Variants in LRRC3B observed in about 807,000 individuals in gnomAD.
LRRC3B encodes leucine rich repeat containing 3B.
In LRRC3B, 2 loss-of-function variants were observed where a neutral mutation model predicts 12.8. The observed-to-expected ratio is 0.16, with a 90% CI of 0.06 to 0.49. LRRC3B has a LOEUF of 0.49. Ranked by LOEUF, LRRC3B falls within the 20% of genes least tolerant of loss-of-function variation. The pLI is 0.96. For missense variants in LRRC3B, 189 were observed against 319.4 expected, an observed-to-expected ratio of 0.59 and a Z score of 3.11; for synonymous variants, 132 against 122.0, an observed-to-expected ratio of 1.08 and a Z score of -0.54.
chr3:26,685,890 C>G (rs1163622721), intron 1 of LRRC3B, among the ~76,000 whole-genome samples: 1 of 151,962 alleles, frequency 6.6e-6, no homozygotes, highest in East Asian at 1.9e-4. Flanking sequence ...TCCAGTCTCT[C>G]AGTTATGACA....
At chr3:26,636,902 CTT>C (rs1371359592) in intron 1 of LRRC3B, among the ~76,000 whole-genome samples, 1,730 of 92,210 alleles carry the variant, frequency 0.019, 80 homozygotes, top group African/African-American at 0.042. Flanking sequence ...CTCTCTCTCT[CTT>C]TCTCTCTTTC....
intron 1 of LRRC3B, among the ~76,000 whole-genome samples, chr3:26,654,546 G>T (rs1316731102): frequency 6.6e-6 from 1 of 152,182 alleles, no homozygotes; most frequent in Non-Finnish European, 1.5e-5. Context: ...AGAGAAAAGA[G>T]AAATCAGAAA....
intron 1 of LRRC3B, among the ~76,000 whole-genome samples, chr3:26,659,474 C>T (rs1376522886): frequency 6.6e-6 from 1 of 152,106 alleles, no homozygotes; most frequent in African/African-American, 2.4e-5. Flanking sequence ...TAAGATAATA[C>T]ATATGAAAGT....
At chr3:26,640,671 G>A (rs951460754) in intron 1 of LRRC3B, among the ~76,000 whole-genome samples, 1 of 152,174 alleles carries the variant, frequency 6.6e-6, no homozygotes, top group African/African-American at 2.4e-5. Context: ...TCTGATCTCA[G>A]AGAGCTTGCA....
chr3:26,648,544 C>T (rs962374949), intron 1 of LRRC3B, among the ~76,000 whole-genome samples: 1 of 152,092 alleles, frequency 6.6e-6, no homozygotes, highest in African/African-American at 2.4e-5. Context: ...AATGAATACT[C>T]TCCATTTTTC....
At chr3:26,678,582 C>T (rs895283192) in intron 1 of LRRC3B, among the ~76,000 whole-genome samples, 1 of 151,992 alleles carries the variant, frequency 6.6e-6, no homozygotes, top group Non-Finnish European at 1.5e-5. Context: ...GCATCTATAC[C>T]CAAGGTTTGT....
chr3:26,707,420 C>A (rs142018071), intron 1 of LRRC3B, among the ~76,000 whole-genome samples: 1 of 151,928 alleles, frequency 6.6e-6, no homozygotes, highest in Non-Finnish European at 1.5e-5. Flanking sequence ...ACTCAGTGTA[C>A]TTTTTATTTT....
chr3:26,686,558 C>T (rs1448467291), intron 1 of LRRC3B, among the ~76,000 whole-genome samples: 1 of 152,096 alleles, frequency 6.6e-6, no homozygotes, highest in African/African-American at 2.4e-5. Context: ...TGTTACATAA[C>T]TTCTTGGAGT....
At position 26,703,869 on chromosome 3, in the gene LRRC3B, C is replaced by A. The variant is rs190319538; in HGVS notation, c.-160-5644C>A. 7.9e-5 allele frequency among the ~76,000 whole-genome samples: 12 copies of A among 152,018 alleles called. No individual in the cohort carries two copies. In the East Asian group the frequency reaches 2.3e-3, roughly 29 times the overall value. Reference sequence around the variant, plus strand: ...CACCATTGTTCAACTCTTTCATGCACTGAATAGTTGCTTTCTGAGGCATTA... The same window carrying A: ...CACCATTGTTCAACTCTTTCATGCAATGAATAGTTGCTTTCTGAGGCATTA... On this transcript the variant is annotated intron_variant, in intron 1 of 1. Transcript: ENST00000396641.
At chr3:26,658,995 A>G (rs1699436153) in intron 1 of LRRC3B, among the ~76,000 whole-genome samples, 1 of 152,216 alleles carries the variant, frequency 6.6e-6, no homozygotes, top group South Asian at 2.1e-4. Context: ...GATTTTGCAC[A>G]ATGCATTGGG....
chr3:26,629,149 A>C (rs1479062004), intron 1 of LRRC3B, among the ~76,000 whole-genome samples: 4 of 152,100 alleles, frequency 2.6e-5, no homozygotes, highest in Non-Finnish European at 5.9e-5. Context: ...AATACAGATT[A>C]GTTTCCTTTT....
chr3:26,710,180 G>A (rs1700714914), exon 2 of LRRC3B: 2 of 1,613,920 alleles, frequency 1.2e-6, no homozygotes, highest in Non-Finnish European at 1.7e-6. Context: ...AGCCCACAAC[G>A]TGATCTGTAA....
chr3:26,636,924 T>C (rs181295744), intron 1 of LRRC3B, among the ~76,000 whole-genome samples: 2,237 of 59,994 alleles, frequency 0.037, 79 homozygotes, highest in East Asian at 0.057. Context: ...CTCTCTTTCT[T>C]TCTTTCTTTC....
chr3:26,709,920 T>C, exon 2 of LRRC3B: 1 of 1,614,114 alleles, frequency 6.2e-7, no homozygotes, highest in Non-Finnish European at 8.5e-7. Context: ...CCCAATGAAA[T>C]TTTTAAGGAC....
chr3:26,710,613 A>C, exon 2 of LRRC3B: 1 of 702,440 alleles, frequency 1.4e-6, no homozygotes, highest in African/African-American at 1.8e-5. Flanking sequence ...CTACAACATA[A>C]ATAATTTGAG....
chr3:26,693,328 CAAAAAAAAA>C (rs71950080), intron 1 of LRRC3B, among the ~76,000 whole-genome samples: 33 of 96,160 alleles, frequency 3.4e-4, no homozygotes, highest in East Asian at 1.6e-3. Context: ...AACTCCGTCT[CAAAAAAAAA>C]AAAAAAAAAA....
chr3:26,672,332 C>CTTAT (rs1699766030), intron 1 of LRRC3B, among the ~76,000 whole-genome samples: 1 of 152,092 alleles, frequency 6.6e-6, no homozygotes, highest in Non-Finnish European at 1.5e-5. Context: ...AGCCTGATTT[C>CTTAT]TTATTTTTAT....
chr3:26,683,056 A>T (rs1468216907), intron 1 of LRRC3B, among the ~76,000 whole-genome samples: 1 of 152,158 alleles, frequency 6.6e-6, no homozygotes, highest in Non-Finnish European at 1.5e-5. Context: ...TATTCCAGTC[A>T]CACTTACTTG....
At chr3:26,691,171 T>C (rs1360642411) in intron 1 of LRRC3B, among the ~76,000 whole-genome samples, 1 of 139,722 alleles carries the variant, frequency 7.2e-6, no homozygotes, top group Non-Finnish European at 1.5e-5. Context: ...ACTTTGACCT[T>C]ACATGATCTC....
Sources: allele counts gnomAD v4.1 joint callset (sites outside exome capture counted in the v4.1 genomes callset), GRCh38; gene constraint gnomAD v4.1.1; transcripts MANE v1.5; gene names NCBI Gene and HGNC (gene_info 2026-07-23, HGNC 2026-07-21).